Variants in PMFBP1 observed in about 807,000 individuals in gnomAD.
PMFBP1 encodes the protein polyamine modulated factor 1 binding protein 1.
A neutral mutation model predicts 137.8 loss-of-function variants in PMFBP1; 131 were observed. That is an observed-to-expected ratio of 0.95 (90% CI 0.82 to 1.10). The LOEUF (loss-of-function observed/expected upper bound fraction) is 1.10. PMFBP1 is among the 50% of genes least tolerant of loss of function. PMFBP1 has a pLI of 0.00. For synonymous variants in PMFBP1, 490 were observed against 450.4 expected (o/e 1.09, Z -1.11); for missense variants, 1,199 against 1,175.4 (o/e 1.02, Z -0.29).
chr16:72,170,233 T>C (rs2043201635), intron 2 of PMFBP1, among the ~76,000 whole-genome samples: 2 of 151,228 alleles, frequency 1.3e-5, no homozygotes, highest in South Asian at 4.2e-4. Context: ...AGATCCTTGT[T>C]CCCCACAGAA....
chr16:72,211,616 T>C, the PMFBP1 span, among the ~76,000 whole-genome samples: 23 of 152,294 alleles, frequency 1.5e-4, no homozygotes, highest in African/African-American at 5.1e-4. Flanking sequence ...AAAAACCTTC[T>C]AGTTCATATC....
At chr16:72,177,698 C>A (rs1252343702), upstream of PMFBP1, among the ~76,000 whole-genome samples, 1 of 152,096 alleles carries the variant, frequency 6.6e-6, no homozygotes, top group Admixed American at 6.5e-5. Context: ...AGGATGTCAC[C>A]AGTTTTTTCA....
Position 72,136,771 on chromosome 16 carries a change from C to T in PMFBP1, c.967G>A (p.Glu323Lys), listed in dbSNP as rs2042639138. The T allele has an allele frequency of 1.2e-6, 2 of 1,614,198 alleles. No individual in the cohort carries two copies. Among genetic ancestry groups the T allele is most frequent in the Non-Finnish European group, 8.5e-7 (1 of 1,180,032 alleles). The change falls in exon 8 of 21, where the codon GAG becomes AAG. Residue 323 changes from glutamate (E) to lysine (K), a missense_variant. Transcript: ENST00000237353. ...TCCTTCACCAGGTTCTGGTACTCCT[C>T]CACATGCAGGCACTGGCTGTCTTTC... ...EQKDSQCLHV[E>K]EYQNLVKDLR...
chr16:72,218,772 C>A, the PMFBP1 span, among the ~76,000 whole-genome samples: 1 of 152,168 alleles, frequency 6.6e-6, no homozygotes, highest in African/African-American at 2.4e-5. Flanking sequence ...AGGCATCTAC[C>A]ATGTGCAAAA....
the PMFBP1 span, among the ~76,000 whole-genome samples, chr16:72,182,177 G>A: frequency 6.6e-6 from 1 of 152,092 alleles, no homozygotes; most frequent in Non-Finnish European, 1.5e-5. Context: ...ATATCTCACA[G>A]GTATTCTAGA....
At chr16:72,150,545 C>A in intron 5 of PMFBP1, 63 bp downstream of exon 5, 1 of 1,524,746 alleles carries the variant, frequency 6.6e-7, no homozygotes, top group Non-Finnish European at 9.1e-7. Context: ...CTGGGACTGT[C>A]TGAGGGGACC....
intron 7 of PMFBP1, among the ~76,000 whole-genome samples, chr16:72,137,538 G>T (rs536394180): frequency 1.3e-5 from 2 of 152,318 alleles, no homozygotes; most frequent in Admixed American, 1.3e-4. Context: ...CTTGCTGGAG[G>T]TGAGCTTTCA....
chr16:72,245,273 C>T, the PMFBP1 span, among the ~76,000 whole-genome samples: 9 of 152,138 alleles, frequency 5.9e-5, no homozygotes, highest in Non-Finnish European at 1.2e-4. Context: ...AGGCACTATT[C>T]TAAGCACTTT....
intron 14 of PMFBP1, among the ~76,000 whole-genome samples, chr16:72,127,782 C>T (rs996028223): frequency 6.6e-5 from 10 of 152,168 alleles, no homozygotes; most frequent in Admixed American, 5.2e-4. Flanking sequence ...ACATTCATTC[C>T]ATCAGCTCAG....
intron 5 of PMFBP1, among the ~76,000 whole-genome samples, chr16:72,147,594 G>A (rs1018586623): frequency 5.3e-5 from 8 of 152,024 alleles, no homozygotes; most frequent in Admixed American, 2.6e-4. Flanking sequence ...GGCAACCTAC[G>A]GATTGGGAGA....
the PMFBP1 span, among the ~76,000 whole-genome samples, chr16:72,189,585 G>A: frequency 6.6e-6 from 1 of 152,220 alleles, no homozygotes; most frequent in Non-Finnish European, 1.5e-5. Context: ...TTACGGCAGA[G>A]TCCACAGTGT....
At chr16:72,240,715 G>A in the PMFBP1 span, among the ~76,000 whole-genome samples, 10 of 152,190 alleles carry the variant, frequency 6.6e-5, no homozygotes, top group African/African-American at 2.4e-4. Context: ...GCTGTTCTCC[G>A]GCTGAGTGTC....
At chr16:72,158,065 G>A (rs536582266) in intron 3 of PMFBP1, among the ~76,000 whole-genome samples, 66 of 152,312 alleles carry the variant, frequency 4.3e-4, no homozygotes, top group African/African-American at 1.5e-3. Context: ...GCAGCACAGG[G>A]AAGGTAAAGG....
the PMFBP1 span, among the ~76,000 whole-genome samples, chr16:72,214,979 T>C: frequency 1.1e-4 from 17 of 152,026 alleles, no homozygotes; most frequent in Non-Finnish European, 2.2e-4. Context: ...AATCAGTCCT[T>C]GAGATATACC....
At chr16:72,189,901 G>A in the PMFBP1 span, among the ~76,000 whole-genome samples, 2 of 152,296 alleles carry the variant, frequency 1.3e-5, no homozygotes, top group Non-Finnish European at 2.9e-5. Flanking sequence ...TCATAGGGGT[G>A]TGGAAAATAG....
At chr16:72,214,733 G>A in the PMFBP1 span, among the ~76,000 whole-genome samples, 4 of 152,140 alleles carry the variant, frequency 2.6e-5, no homozygotes, top group African/African-American at 7.2e-5. Context: ...TTGACTATGT[G>A]ACAAAACACA....
At chr16:72,215,714 C>T in the PMFBP1 span, among the ~76,000 whole-genome samples, 1 of 152,146 alleles carries the variant, frequency 6.6e-6, no homozygotes, top group African/African-American at 2.4e-5. Context: ...TAAGTAAGTA[C>T]TCCCTGTAAA....
chr16:72,181,202 G>C (rs2043275244), upstream of PMFBP1, among the ~76,000 whole-genome samples: 1 of 150,680 alleles, frequency 6.6e-6, no homozygotes, highest in Admixed American at 6.6e-5. Context: ...TCGAGCCACT[G>C]CCCTCAAGCC....
intron 3 of PMFBP1, among the ~76,000 whole-genome samples, chr16:72,155,752 C>G (rs984254438): frequency 9.2e-5 from 14 of 152,106 alleles, no homozygotes; most frequent in Non-Finnish European, 1.8e-4. Context: ...AAGTGTGCAA[C>G]TCAGTGACTT....
Sources: allele counts gnomAD v4.1 joint callset (sites outside exome capture counted in the v4.1 genomes callset), GRCh38; gene constraint gnomAD v4.1.1; transcripts MANE v1.5; gene names NCBI Gene and HGNC (gene_info 2026-07-23, HGNC 2026-07-21).